Variants in CEP70 observed in about 807,000 individuals in gnomAD.
The protein encoded by CEP70 is centrosomal protein of 70 kDa.
A neutral mutation model predicts 90.9 loss-of-function variants in CEP70; 70 were observed. The observed-to-expected ratio is 0.77, with a 90% CI of 0.64 to 0.94. The LOEUF is 0.94. Among genes scored for constraint, CEP70 ranks in the 40% least tolerant of loss-of-function variants. CEP70 has a pLI of 0.00. For synonymous variants in CEP70, 220 were observed against 228.3 expected (o/e 0.96, Z 0.33); for missense variants, 648 against 669.0 (o/e 0.97, Z 0.35).
chr3:138,571,505 A>G lies in CEP70; in HGVS notation c.70-149T>C, dbSNP rs572042981. The stretch of plus-strand genomic sequence containing the variant: ...TATGCATATATAATATCCAAAAAAC[A>G]CATTTATTGTTTCTAGCAAAATTAG... On this transcript the variant is annotated intron_variant, in intron 3 of 17. Transcript: ENST00000264982. 4 of 609,788 alleles carry G rather than the reference A, an allele frequency of 6.6e-6. No individual in the cohort carries two copies. In the South Asian group the frequency reaches 9.3e-5, roughly 14 times the overall value. 37.8% of individuals were successfully genotyped at this position (609,788 alleles called of 1,614,324 possible). A position where few individuals can be genotyped will look rare whatever the true frequency, so the allele number is the denominator to read the frequency against.
Position 138,500,467 on chromosome 3 carries a change from T to C in CEP70, c.1469A>G (p.Asn490Ser), listed in dbSNP as rs1233503437. The C allele has an allele frequency of 4.3e-6, 7 of 1,611,086 alleles. No homozygotes were observed. Among genetic ancestry groups the C allele is most frequent in the African/African-American group, 1.3e-5 (1 of 74,712 alleles). ...TTCTCCAAGCCTAGTATAAACTTCA[T>C]TCATTCGGGGATAGACTCCATTTAA... ...PSLNGVYPRM[N>S]EVYTRLGEMN... Residue 490 changes from asparagine to serine, a missense_variant, in exon 15 of 18, where the codon AAT becomes AGT. Asn to Ser is a conservative substitution (Grantham distance 46). Transcript: ENST00000264982.
At chr3:138,514,721 T>C (rs1266441198) in intron 11 of CEP70, among the ~76,000 whole-genome samples, 1 of 152,120 alleles carries the variant, frequency 6.6e-6, no homozygotes, top group African/African-American at 2.4e-5. Context: ...TTTTAAGTTT[T>C]ACCTTGAAAA....
chr3:138,556,870 G>A (rs567346573), intron 6 of CEP70, among the ~76,000 whole-genome samples: 45 of 152,280 alleles, frequency 3.0e-4, no homozygotes, highest in African/African-American at 7.7e-4. Context: ...AGACCGGGGC[G>A]AAATTAAAAT....
At chr3:138,495,168 C>G in intron 17 of CEP70, 92 bp from the exon 18 acceptor site, 6 of 712,964 alleles carry the variant, frequency 8.4e-6, no homozygotes, top group Non-Finnish European at 1.5e-5. Context: ...AGGCAAACCC[C>G]AAACATAAAG....
chr3:138,529,552 T>G (rs1229282420), intron 8 of CEP70, 90 bp from the exon 9 acceptor site: 25 of 751,420 alleles, frequency 3.3e-5, no homozygotes, highest in Non-Finnish European at 4.9e-5. Flanking sequence ...TTTAATAATC[T>G]AAACATGAAT....
intron 6 of CEP70, among the ~76,000 whole-genome samples, chr3:138,563,127 G>C (rs762328459): frequency 7.9e-5 from 12 of 151,870 alleles, no homozygotes; most frequent in Non-Finnish European, 4.4e-5. Flanking sequence ...AATGGTAAAG[G>C]GATCAGTGCA....
At chr3:138,504,857 A>G (rs2034836920) in intron 13 of CEP70, among the ~76,000 whole-genome samples, 1 of 152,180 alleles carries the variant, frequency 6.6e-6, no homozygotes, top group Non-Finnish European at 1.5e-5. Flanking sequence ...ATAAAGTGTG[A>G]AGAGAGAGAA....
chr3:138,558,916 T>A (rs904203375), intron 6 of CEP70, among the ~76,000 whole-genome samples: 2 of 152,172 alleles, frequency 1.3e-5, no homozygotes, highest in African/African-American at 2.4e-5. Context: ...CATGCTGACT[T>A]CTAAAAATTG....
chr3:138,536,906 A>G (rs918358202), intron 7 of CEP70: 3 of 210,058 alleles, frequency 1.4e-5, no homozygotes, highest in Non-Finnish European at 2.8e-5. Flanking sequence ...AGGATCAGTT[A>G]TTTTGAGAAA....
rs9289562 is a variant in CEP70 at position 138,535,391 on chromosome 3, A to G, written c.635+1787T>C. 9.1e-3 allele frequency among the ~76,000 whole-genome samples: 1,383 copies of G among 152,246 alleles called. 5 individuals are homozygous for G. Among genetic ancestry groups the G allele is most frequent in the Non-Finnish European group, 0.015 (996 of 68,006 alleles). On this transcript the variant is annotated intron_variant, in intron 7 of 17. Transcript: ENST00000264982. ...CTTAGTATCCTATCTGCCCCACCTT[A>G]TAGTACATACCACTATCTGCTTTAT... is the stretch of plus-strand genomic sequence containing the variant.
chr3:138,495,970 T>C (rs2033929886), intron 17 of CEP70: 6 of 985,394 alleles, frequency 6.1e-6, no homozygotes, highest in African/African-American at 5.2e-5. Context: ...CAATCCAGGC[T>C]CTTTTTTGAC....
intron 10 of CEP70, 76 bp downstream of exon 10, chr3:138,529,123 A>T: frequency 1.2e-6 from 1 of 825,014 alleles, no homozygotes; most frequent in Non-Finnish European, 1.9e-6. Context: ...ACGTGATCAC[A>T]CCACTGCACT....
chr3:138,579,140 T>C (rs559313), intron 2 of CEP70, among the ~76,000 whole-genome samples: 89,923 of 151,964 alleles, frequency 0.59, 27,157 homozygotes, highest in East Asian at 0.94. Context: ...CCAGGAAGAA[T>C]TCAACCCACT....
At chr3:138,505,511 C>T in intron 12 of CEP70, 46 bp from the exon 13 acceptor site, 2 of 1,313,348 alleles carry the variant, frequency 1.5e-6, no homozygotes, top group Non-Finnish European at 2.0e-6. Flanking sequence ...TATCCTATGC[C>T]TACAAAGTTA....
At chr3:138,505,520 T>TA in intron 12 of CEP70, 55 bp from the exon 13 acceptor site, 1 of 1,240,952 alleles carries the variant, frequency 8.1e-7, no homozygotes, top group Non-Finnish European at 1.1e-6. Flanking sequence ...CCTACAAAGT[T>TA]ATATATTTTA....
Position 138,500,451 on chromosome 3 carries a change from C to T in CEP70, c.1485G>A (p.Arg495=). Residue 495 remains arginine, a synonymous_variant, in exon 15 of 18, where the codon AGG becomes AGA. Coordinates refer to ENST00000264982, the MANE Select transcript of CEP70 (RefSeq NM_024491.4). ...TCACAGCATTGTTCATTTCTCCAAG[C>T]CTAGTATAAACTTCATTCATTCGGG... ...VYPRMNEVYT[R]LGEMNNAVRN... is the part of the protein sequence containing the mutation. The T allele has an allele frequency of 6.2e-7, 1 of 1,609,194 alleles. No individual in the cohort carries two copies. The highest frequency in any genetic ancestry group is 8.5e-7 in the Non-Finnish European group (1 of 1,178,850).
chr3:138,582,960 A>G (rs1326971877), intron 2 of CEP70, among the ~76,000 whole-genome samples: 1 of 152,120 alleles, frequency 6.6e-6, no homozygotes, highest in African/African-American at 2.4e-5. Context: ...AGAAGACCAC[A>G]AAACAACCAG....
chr3:138,514,768 G>C (rs888755916), intron 11 of CEP70, among the ~76,000 whole-genome samples: 1 of 151,644 alleles, frequency 6.6e-6, no homozygotes, highest in Admixed American at 6.6e-5. Context: ...AGTTCTAACT[G>C]TATGGTAGCT....
chr3:138,525,163 G>C (rs1331874514), intron 11 of CEP70, among the ~76,000 whole-genome samples: 1 of 150,944 alleles, frequency 6.6e-6, no homozygotes, highest in Non-Finnish European at 1.5e-5. Flanking sequence ...CTATCGCAAG[G>C]ACAAAAAACC....
Sources: gnomAD v4.1 joint callset for allele counts (sites outside exome capture counted in the v4.1 genomes callset) on GRCh38, gnomAD v4.1.1 for gene constraint, MANE v1.5 for transcripts, NCBI Gene and HGNC (gene_info 2026-07-23, HGNC 2026-07-21) for gene names.